The following ERC2 variants were observed in gnomAD, a reference collection of about 807,000 sequenced individuals.
ERC2 encodes the protein ELKS/RAB6-interacting/CAST family member 2, also known as ERC protein 2.
A neutral mutation model predicts 114.8 loss-of-function variants in ERC2; 42 were observed. The ratio of observed to expected loss-of-function variants is 0.37; its 90% CI spans 0.29 to 0.47. The LOEUF (loss-of-function observed/expected upper bound fraction) is 0.47, where lower values mean the gene tolerates loss of function less well. Among genes scored for constraint, ERC2 ranks in the 20% least tolerant of loss-of-function variants. The pLI is 0.99. For missense variants in ERC2, 939 were observed against 1,150.7 expected, an observed-to-expected ratio of 0.82 and a Z score of 2.66; for synonymous variants, 454 against 425.5, an observed-to-expected ratio of 1.07 and a Z score of -0.82.
chr3:56,247,572 T>C (rs746842196), intron 3 of ERC2, among the ~76,000 whole-genome samples: 2 of 152,216 alleles, frequency 1.3e-5, no homozygotes, highest in Non-Finnish European at 2.9e-5. Context: ...GGTTGGGTTA[T>C]GTAATAATTA....
intron 13 of ERC2, among the ~76,000 whole-genome samples, chr3:55,949,609 T>TA (rs1559917773): frequency 6.6e-6 from 1 of 152,178 alleles, no homozygotes; most frequent in African/African-American, 2.4e-5. Flanking sequence ...TTTGGCCAAT[T>TA]AAAAAGATGA....
At chr3:55,677,396 C>A (rs558070114) in intron 17 of ERC2, among the ~76,000 whole-genome samples, 2 of 152,206 alleles carry the variant, frequency 1.3e-5, no homozygotes, top group East Asian at 3.9e-4. Flanking sequence ...TTTCTTTTGC[C>A]TTTTCTTTTA....
chr3:56,384,829 A>C (rs1287992178), intron 2 of ERC2, among the ~76,000 whole-genome samples: 1 of 152,156 alleles, frequency 6.6e-6, no homozygotes, highest in Non-Finnish European at 1.5e-5. Context: ...TCTTGTGTTT[A>C]GGACTTTGAT....
intron 7 of ERC2, among the ~76,000 whole-genome samples, chr3:56,020,179 AC>A (rs1329751049): frequency 6.6e-6 from 1 of 152,128 alleles, no homozygotes; most frequent in Non-Finnish European, 1.5e-5. Flanking sequence ...GGCTCTGCTG[AC>A]CTTCAATCTG....
intron 17 of ERC2, among the ~76,000 whole-genome samples, chr3:55,545,778 C>T (rs1329897091): frequency 6.6e-6 from 1 of 152,182 alleles, no homozygotes; most frequent in Non-Finnish European, 1.5e-5. Context: ...GGGGTACCCA[C>T]TGGGCCGGGT....
intron 14 of ERC2, among the ~76,000 whole-genome samples, chr3:55,744,697 G>A (rs2066198305): frequency 6.6e-6 from 1 of 152,186 alleles, no homozygotes; most frequent in African/African-American, 2.4e-5. Context: ...CACTGCTTGG[G>A]CCTGCTCCCA....
At chr3:55,513,220 C>T (rs1398032408) in intron 17 of ERC2, among the ~76,000 whole-genome samples, 1 of 152,242 alleles carries the variant, frequency 6.6e-6, no homozygotes, top group Non-Finnish European at 1.5e-5. Flanking sequence ...CTCCTGTTTA[C>T]AACCCTGTTT....
chr3:55,983,154 C>T (rs776826626), intron 12 of ERC2, among the ~76,000 whole-genome samples: 10 of 152,174 alleles, frequency 6.6e-5, no homozygotes, highest in Non-Finnish European at 1.3e-4. Flanking sequence ...AATCAGCTGA[C>T]CTGGGATCCA....
intron 3 of ERC2, among the ~76,000 whole-genome samples, chr3:56,202,501 C>CTTT (rs11457828): frequency 0.012 from 1,674 of 141,102 alleles, 45 homozygotes; most frequent in East Asian, 0.082. Flanking sequence ...TAAACTCAAG[C>CTTT]TTTTTTTTTT....
chr3:55,997,766 T>C (rs2071637710), intron 10 of ERC2, among the ~76,000 whole-genome samples: 1 of 150,498 alleles, frequency 6.6e-6, no homozygotes, highest in Non-Finnish European at 1.5e-5. Flanking sequence ...GTTCCTAATT[T>C]AGAAAATTAA....
chr3:56,165,929 C>T (rs1018111487), intron 4 of ERC2, among the ~76,000 whole-genome samples: 6 of 151,684 alleles, frequency 4.0e-5, no homozygotes, highest in Non-Finnish European at 8.8e-5. Flanking sequence ...ATAGCATTAT[C>T]GAACAGAAGT....
chr3:55,837,929 T>A (rs2060969640), intron 14 of ERC2, among the ~76,000 whole-genome samples: 1 of 151,412 alleles, frequency 6.6e-6, no homozygotes, highest in African/African-American at 2.4e-5. Context: ...TACATTAATA[T>A]CAGACAAAGT....
chr3:56,355,135 A>G (rs1410588556), intron 2 of ERC2, among the ~76,000 whole-genome samples: 1 of 152,176 alleles, frequency 6.6e-6, no homozygotes, highest in Non-Finnish European at 1.5e-5. Context: ...AATCATTGTG[A>G]GTGAAGAGAA....
intron 12 of ERC2, among the ~76,000 whole-genome samples, chr3:55,963,527 A>G (rs113120260): frequency 6.6e-6 from 1 of 152,242 alleles, no homozygotes; most frequent in African/African-American, 2.4e-5. Flanking sequence ...CAAGACAGGG[A>G]CAAGACATAA....
chr3:55,637,538 C>T (rs1368264527), intron 17 of ERC2, among the ~76,000 whole-genome samples: 1 of 152,142 alleles, frequency 6.6e-6, no homozygotes, highest in Non-Finnish European at 1.5e-5. Flanking sequence ...CCGGGGTCTC[C>T]TCAACTCTAA....
intron 17 of ERC2, among the ~76,000 whole-genome samples, chr3:55,537,992 G>A (rs1482868958): frequency 6.6e-6 from 1 of 152,184 alleles, no homozygotes; most frequent in East Asian, 1.9e-4. Context: ...GTGGGAGGCG[G>A]TGGGGAGGAG....
chr3:56,397,233 C>A (rs1459543122), intron 2 of ERC2, among the ~76,000 whole-genome samples: 5 of 151,972 alleles, frequency 3.3e-5, no homozygotes, highest in Non-Finnish European at 7.4e-5. Flanking sequence ...CCTGTAGTCC[C>A]AGCTACTTGG....
intron 17 of ERC2, among the ~76,000 whole-genome samples, chr3:55,561,053 G>C (rs147707850): frequency 6.6e-5 from 10 of 151,392 alleles, no homozygotes; most frequent in Non-Finnish European, 8.8e-5. Context: ...TCAATATATC[G>C]ATGGCCAAAG....
At chr3:55,602,919 T>C (rs961728098) in intron 17 of ERC2, among the ~76,000 whole-genome samples, 1 of 152,220 alleles carries the variant, frequency 6.6e-6, no homozygotes, top group African/African-American at 2.4e-5. Context: ...TGCTAAATCC[T>C]GCCCAGCCTC....
Sources: gnomAD v4.1 joint callset for allele counts (sites outside exome capture counted in the v4.1 genomes callset) on GRCh38, gnomAD v4.1.1 for gene constraint, MANE v1.5 for transcripts, NCBI Gene and HGNC (gene_info 2026-07-23, HGNC 2026-07-21) for gene names.